BIRC6: variants seen among roughly 807,000 people sequenced by gnomAD.
The protein encoded by BIRC6 is baculoviral IAP repeat containing 6, also known as dual E2 ubiquitin-conjugating enzyme/E3 ubiquitin-protein ligase BIRC6.
Under a neutral mutation model 503.3 loss-of-function variants are expected in BIRC6, and 98 were observed. The observed-to-expected ratio is 0.19, with a 90% confidence interval of 0.17 to 0.23. The LOEUF (loss-of-function observed/expected upper bound fraction) is 0.23, where lower values mean the gene tolerates loss of function less well. Among genes scored for constraint, BIRC6 ranks in the 10% least tolerant of loss-of-function variants. The pLI, the probability that BIRC6 is intolerant of heterozygous loss-of-function variation, is 1.00. For synonymous variants in BIRC6, 2,240 were observed against 2,078.7 expected, an observed-to-expected ratio of 1.08 and a Z score of -2.11; for missense variants, 5,360 against 5,806.0, an observed-to-expected ratio of 0.92 and a Z score of 2.50.
chr2:32,497,645 T>G (rs922686337), intron 45 of BIRC6, among the ~76,000 whole-genome samples: 3 of 152,208 alleles, frequency 2.0e-5, no homozygotes, highest in Non-Finnish European at 4.4e-5. Context: ...GTATATGTAT[T>G]AATGTTTATA....
At chr2:32,371,825 A>T (rs2036006010) in intron 1 of BIRC6, among the ~76,000 whole-genome samples, 1 of 151,978 alleles carries the variant, frequency 6.6e-6, no homozygotes, top group South Asian at 2.1e-4. Flanking sequence ...TTGTGTTTTG[A>T]GACAGAGTCT....
intron 66 of BIRC6, among the ~76,000 whole-genome samples, chr2:32,589,044 T>A (rs1033667280): frequency 2.0e-5 from 3 of 152,226 alleles, no homozygotes; most frequent in Admixed American, 6.5e-5. Context: ...GCCTTTTTTT[T>A]ATATCTGATC....
chr2:32,386,090 C>A (rs1457745057), intron 3 of BIRC6, among the ~76,000 whole-genome samples: 1 of 152,064 alleles, frequency 6.6e-6, no homozygotes, highest in Non-Finnish European at 1.5e-5. Flanking sequence ...TGTAGTGGAC[C>A]ATTATGTTGA....
At position 32,415,733 on chromosome 2, in the gene BIRC6, G is replaced by T. The variant is rs775462871; in HGVS notation, c.2442G>T (p.Gln814His). 9.3e-6 allele frequency: 15 copies of T among 1,613,796 alleles called. No individual in the cohort carries two copies. The South Asian group carries it at 1.1e-4, about 12-fold the overall frequency. Residue 814 changes from glutamine to histidine, a missense_variant, in exon 10 of 74, where the codon CAG (glutamine) becomes CAT (histidine). Around this residue, in one of 16 missense-constraint regions of BIRC6, gnomAD observed 700 missense variants for 739.3 expected, o/e 0.95. Coordinates refer to ENST00000421745, the MANE Select transcript of BIRC6 (RefSeq NM_016252.4). ...ATGTACAGACTCCTTTAATAATTCA[G>T]CCTGAGCAGAGGAATGTTAGTGGTG... is the stretch of plus-strand genomic sequence containing the variant. ...PADVQTPLII[Q>H]PEQRNVSGGY...
At chr2:32,545,603 A>G in intron 62 of BIRC6, 40 bp from the exon 63 acceptor site, 1 of 1,519,040 alleles carries the variant, frequency 6.6e-7, no homozygotes, top group South Asian at 1.1e-5. Flanking sequence ...TGTGTTTTTA[A>G]CTGTTTTTAA....
chr2:32,357,985 C>T lies in BIRC6; in HGVS notation c.325+499C>T, dbSNP rs1465829741. ...AGCCGGCAGTCTGCTGTTCTCAGGT[C>T]CCGCAGTGCGGGGGACAGACCGCGG... is the stretch of plus-strand genomic sequence containing the variant. On this transcript the variant is annotated intron_variant, in intron 1 of 73. Coordinates refer to ENST00000421745, the MANE Select transcript of BIRC6 (RefSeq NM_016252.4). This position sits in a 1 kb window ranked among gnomAD's most constrained non-coding sequence, Gnocchi z 4.9. 7.1e-3 allele frequency among the ~76,000 whole-genome samples: 1 copy of T among 140 alleles called. No homozygotes were observed. Among genetic ancestry groups the T allele is most frequent in the Non-Finnish European group, 0.014 (1 of 74 alleles). The allele number at this position is 140 out of a possible 152,430, so 0.1% of individuals were successfully genotyped here. A position where few individuals can be genotyped will look rare whatever the true frequency, so the allele number is the denominator to read the frequency against.
At chr2:32,574,861 G>T in intron 65 of BIRC6, 1 of 385,294 alleles carries the variant, frequency 2.6e-6, no homozygotes, top group Non-Finnish European at 4.9e-6. Context: ...CAGTTCTCCT[G>T]CCTCAGCCTC....
At chr2:32,470,140 T>C (rs1388106295) in intron 30 of BIRC6, 28 bp from the exon 31 acceptor site, 2 of 1,442,530 alleles carry the variant, frequency 1.4e-6, no homozygotes, top group African/African-American at 2.9e-5. Flanking sequence ...ATTCTTATTC[T>C]TTTCTTTTTT....
In BIRC6 at chr2:32,468,930, A is replaced by T. The variant is rs2048836917; in HGVS notation, c.6127+147A>T. 6 of 658,494 alleles carry T rather than the reference A, an allele frequency of 9.1e-6. No individual in the cohort carries two copies. The South Asian group carries it at 1.5e-4, about 17-fold the overall frequency. 40.8% of individuals were successfully genotyped at this position (658,494 alleles called of 1,614,324 possible). A position where few individuals can be genotyped will look rare whatever the true frequency, so the allele number is the denominator to read the frequency against. ...ATTTATGAAATGTCTCTTTAGGTTA[A>T]TCTATTTCTCCCTGTTATTTTAAAC... On this transcript the variant is annotated intron_variant, in intron 29 of 73. Transcript: ENST00000421745.
chr2:32,614,920 A>C (rs1464597400), intron 73 of BIRC6, among the ~76,000 whole-genome samples: 2 of 152,196 alleles, frequency 1.3e-5, no homozygotes, highest in Non-Finnish European at 2.9e-5. Flanking sequence ...TTTCTTTGCT[A>C]TAAAGAAATC....
intron 10 of BIRC6, among the ~76,000 whole-genome samples, chr2:32,419,371 T>C (rs544554190): frequency 6.6e-6 from 1 of 152,260 alleles, no homozygotes; most frequent in South Asian, 2.1e-4. Context: ...ATTAATAATA[T>C]ACTAAATGTA....
At chr2:32,493,405 T>C in intron 44 of BIRC6, 135 bp from the exon 45 acceptor site, 2 of 709,982 alleles carry the variant, frequency 2.8e-6, no homozygotes, top group Non-Finnish European at 4.4e-6. Flanking sequence ...CTGCTATCAT[T>C]GTTAATACTT....
Position 32,357,054 on chromosome 2 carries a change from G to A in BIRC6, c.-108G>A. The A allele has an allele frequency of 2.0e-6, 2 of 987,810 alleles. No individual in the cohort carries two copies. The highest frequency in any genetic ancestry group is 2.8e-6 in the Non-Finnish European group (2 of 716,624). The allele number at this position is 987,810 out of a possible 1,614,324, so 61.2% of individuals were successfully genotyped here. A position where few individuals can be genotyped will look rare whatever the true frequency, so the allele number is the denominator to read the frequency against. ...CCCTGCTTCTCCCCCTCTCCCGTCAGCCTCCCTCCGAGTTTGGCCCCTCCG... is the reference window on the plus strand; with the variant it reads ...CCCTGCTTCTCCCCCTCTCCCGTCAACCTCCCTCCGAGTTTGGCCCCTCCG... On this transcript the variant is annotated 5_prime_UTR_variant, in exon 1 of 74. Transcript: ENST00000421745. The surrounding 1 kb of genome is among the most constrained non-coding windows in gnomAD (Gnocchi z 4.9).
intron 41 of BIRC6, among the ~76,000 whole-genome samples, chr2:32,488,007 C>T (rs529366965): frequency 4.0e-5 from 6 of 149,074 alleles, no homozygotes; most frequent in Non-Finnish European, 7.4e-5. Flanking sequence ...TTTTTAGCTT[C>T]AGTACTTTAA....
intron 9 of BIRC6, among the ~76,000 whole-genome samples, chr2:32,408,871 TA>T (rs2041541320): frequency 6.6e-6 from 1 of 152,224 alleles, no homozygotes; most frequent in African/African-American, 2.4e-5. Flanking sequence ...TGAGGATTTG[TA>T]AGTAGCTTAT....
chr2:32,365,300 C>T (rs1464048961), intron 1 of BIRC6, among the ~76,000 whole-genome samples: 1 of 151,244 alleles, frequency 6.6e-6, no homozygotes, highest in Non-Finnish European at 1.5e-5. Flanking sequence ...TACTGCTTGA[C>T]TCACCATAAA....
chr2:32,613,884 A>G (rs2063060006), intron 73 of BIRC6, among the ~76,000 whole-genome samples: 1 of 151,998 alleles, frequency 6.6e-6, no homozygotes. Flanking sequence ...GGCCTTCAGA[A>G]CTATTTTTTT....
chr2:32,464,883 C>G lies in BIRC6; in HGVS notation c.5256+60C>G. On this transcript the variant is annotated intron_variant, in intron 25 of 73. Coordinates refer to ENST00000421745, the MANE Select transcript of BIRC6 (RefSeq NM_016252.4). ...ATTTAAAAATATCTTGAAATATACT[C>G]TAACTTTAGAAGGCAAAATTTTTAA... The G allele has an allele frequency of 3.9e-6, 6 of 1,529,216 alleles. No homozygotes were observed. The South Asian group carries it at 5.3e-5, about 13-fold the overall frequency. 94.7% of individuals were successfully genotyped at this position (1,529,216 alleles called of 1,614,324 possible). A position where few individuals can be genotyped will look rare whatever the true frequency, so the allele number is the denominator to read the frequency against.
chr2:32,561,560 T>C (rs1408551293), intron 65 of BIRC6, among the ~76,000 whole-genome samples: 1 of 151,936 alleles, frequency 6.6e-6, no homozygotes, highest in Non-Finnish European at 1.5e-5. Context: ...TACTTTCTAA[T>C]TAGTATTCAT....
Sources: allele counts gnomAD v4.1 joint callset (sites outside exome capture counted in the v4.1 genomes callset), GRCh38; gene constraint gnomAD v4.1.1; regional missense constraint gnomAD v4.1.1; non-coding constraint Gnocchi (gnomAD v3.1); transcripts MANE v1.5; gene names NCBI Gene and HGNC (gene_info 2026-07-23, HGNC 2026-07-21).